The following DSC3 variants were observed in gnomAD, a reference collection of about 807,000 sequenced individuals.
The protein encoded by DSC3 is desmocollin 3.
A neutral mutation model predicts 89.5 loss-of-function variants in DSC3; 97 were observed. The ratio of observed to expected loss-of-function variants is 1.08; its 90% CI spans 0.92 to 1.28. The LOEUF (loss-of-function observed/expected upper bound fraction) is 1.28, where lower values mean the gene tolerates loss of function less well. DSC3 is among the 50% of genes most tolerant of loss of function. The pLI is 0.00. For missense variants in DSC3, 1,199 were observed against 1,085.3 expected, an observed-to-expected ratio of 1.10 and a Z score of -1.47; for synonymous variants, 436 against 384.1, an observed-to-expected ratio of 1.14 and a Z score of -1.58.
rs757478847 is a variant in DSC3, at chr18:31,008,358, A to G, written c.1431T>C (p.Tyr477=). ...EGPECTPAAQ[Y]VRIKENLAVG... Reference sequence around the variant, plus strand: ...CTGCTAAGTTTTCTTTAATCCGCACATATTGGGCTGCAGGAGTGCATTCAG... The same window carrying G: ...CTGCTAAGTTTTCTTTAATCCGCACGTATTGGGCTGCAGGAGTGCATTCAG... The change falls in exon 10 of 16, where the codon TAT becomes TAC. Residue 477 remains tyrosine (Y), a synonymous_variant. Transcript: ENST00000360428. 1 of 1,613,942 alleles carries G rather than the reference A, an allele frequency of 6.2e-7. No individual in the cohort carries two copies. The highest frequency in any genetic ancestry group is 8.5e-7 in the Non-Finnish European group (1 of 1,180,022).
In DSC3 at chr18:30,994,348, C is replaced by T; in HGVS notation, c.2518G>A (p.Glu840Lys). Residue 840 changes from glutamate to lysine, a missense_variant, in exon 16 of 16, where the codon GAA becomes AAA. Glu to Lys is a moderately conservative substitution (Grantham distance 56). Coordinates refer to ENST00000360428, the MANE Select transcript of DSC3 (RefSeq NM_001941.5). ...GEKLHRCNQN[E>K]DRMPSQDYVL... The stretch of plus-strand genomic sequence containing the variant: ...TAATCTTGGGATGGCATGCGGTCTT[C>T]ATTCTGATTACATCGATGCAATTTC... 3 of 1,614,040 alleles carry T rather than the reference C, an allele frequency of 1.9e-6. No individual in the cohort carries two copies. Among genetic ancestry groups the T allele is most frequent in the Non-Finnish European group, 1.7e-6 (2 of 1,179,964 alleles).
rs370061596 is a variant in DSC3, at chr18:30,996,765, GACTCAAAACACCTAAGGAAACTC to G, written c.2493+3_2493+25del. 1 of 1,610,872 alleles carries G rather than the reference GACTCAAAACACCTAAGGAAACTC, an allele frequency of 6.2e-7. No homozygotes were observed. The highest frequency in any genetic ancestry group is 1.3e-5 in the African/African-American group (1 of 74,720). ...TCTCCATTCGGAGGTTTAAATTTTA[GACTCAAAACACCTAAGGAAACTC>G]ACTTCACCGAGACGGGGTTGAGTAA... On this transcript the variant is annotated splice_donor_5th_base_variant and intron_variant, in intron 15 of 15. Coordinates refer to ENST00000360428, the MANE Select transcript of DSC3 (RefSeq NM_001941.5).
chr18:31,036,798 C>CTTTCTTTCTTT (rs1555635105), intron 1 of DSC3, among the ~76,000 whole-genome samples: 3 of 107,424 alleles, frequency 2.8e-5, no homozygotes, highest in African/African-American at 1.1e-4. Flanking sequence ...TTCTTTCTTC[C>CTTTCTTTCTTT]TTTTTTTTTT....
Position 30,989,944 on chromosome 18 carries a change from T to C in DSC3, c.*4231A>G, listed in dbSNP as rs1020551454. The C allele has an allele frequency of 3.3e-5, 5 of 152,446 alleles. No homozygotes were observed. Among genetic ancestry groups the C allele is most frequent in the African/African-American group, 9.6e-5 (4 of 41,464 alleles). 9.4% of individuals were successfully genotyped at this position (152,446 alleles called of 1,614,324 possible). On this transcript the variant is annotated 3_prime_UTR_variant, in exon 16 of 16. Transcript: ENST00000360428. The stretch of plus-strand genomic sequence containing the variant: ...GGAACTTAAAATAAAATAAGTGTTA[T>C]CAATGTTCATTGTGAAAAAATCAAC...
Position 31,031,135 on chromosome 18 carries a change from G to T in DSC3, c.192C>A (p.Ile64=). The change falls in exon 3 of 16, where the codon ATC becomes ATA. Residue 64 remains isoleucine (I), a synonymous_variant. Coordinates refer to ENST00000360428, the MANE Select transcript of DSC3 (RefSeq NM_001941.5). ...LEECFRSADL[I]RSSDPDFRVL... ...CTCTGAAATCAGGATCACTTGACCG[G>T]ATGAGGTCTGCAGACCTGAAGCACT... 6.2e-7 allele frequency: 1 copy of T among 1,613,386 alleles called. No homozygotes were observed. The highest frequency in any genetic ancestry group is 2.2e-5 in the East Asian group (1 of 44,852).
At chr18:31,007,800 A>C (rs181866340) in intron 11 of DSC3, among the ~76,000 whole-genome samples, 1 of 152,322 alleles carries the variant, frequency 6.6e-6, no homozygotes, top group East Asian at 1.9e-4. Flanking sequence ...TAAGAATTTA[A>C]GGTCCTGCCC....
In DSC3 at chr18:31,032,192, C is replaced by A; in HGVS notation, c.154G>T (p.Val52Phe). ...KLEADKIIGR[V>F]NLEECFRSAD... ...TAAAAAGACTTTTAAAATTTCTCAC[C>A]TCTGCCAATTATTTTGTCTGCCTCT... is the stretch of plus-strand genomic sequence containing the variant. The change falls in exon 2 of 16, where the codon GTT (valine) becomes TTT (phenylalanine). Residue 52 changes from valine (V) to phenylalanine (F), a missense_variant and splice_region_variant. By Grantham distance (50) the Val-to-Phe change is conservative. Coordinates refer to ENST00000360428, the MANE Select transcript of DSC3 (RefSeq NM_001941.5). The A allele has an allele frequency of 1.2e-6, 2 of 1,609,548 alleles. No individual in the cohort carries two copies. Among genetic ancestry groups the A allele is most frequent in the Non-Finnish European group, 1.7e-6 (2 of 1,175,900 alleles).
chr18:31,032,071 G>A (rs1476301549), intron 2 of DSC3, 121 bp downstream of exon 2: 3 of 721,442 alleles, frequency 4.2e-6, no homozygotes, highest in Non-Finnish European at 7.5e-6. Flanking sequence ...TTTACTCCCT[G>A]GAGGAACATC....
Position 30,994,148 on chromosome 18 carries a change from C to A in DSC3, c.*27G>T. 6.2e-7 allele frequency: 1 copy of A among 1,607,516 alleles called. No homozygotes were observed. The highest frequency in any genetic ancestry group is 8.5e-7 in the Non-Finnish European group (1 of 1,174,092). ...TTTTGGAAACCTCCAGAATGTCTGA[C>A]AAAGACCTAATTGTAGCACTGTGAC... is the stretch of plus-strand genomic sequence containing the variant. On this transcript the variant is annotated 3_prime_UTR_variant, in exon 16 of 16. Transcript: ENST00000360428.
At chr18:31,010,132 C>G (rs999131875) in intron 9 of DSC3, among the ~76,000 whole-genome samples, 1 of 152,150 alleles carries the variant, frequency 6.6e-6, no homozygotes, top group Non-Finnish European at 1.5e-5. Context: ...TAGGTATTAA[C>G]AGAGTAAGAC....
rs1008911490 is a variant in DSC3, at chr18:31,022,505, A to C, written c.776-3T>G. On this transcript the variant is annotated splice_polypyrimidine_tract_variant and splice_region_variant and intron_variant, in intron 6 of 15. Coordinates refer to ENST00000360428, the MANE Select transcript of DSC3 (RefSeq NM_001941.5). Reference sequence around the variant, plus strand: ...ACAAACCACCCCCACTGTAGTACCTACACATTAAAAAATAAAACAGCCTTT... The same window carrying C: ...ACAAACCACCCCCACTGTAGTACCTCCACATTAAAAAATAAAACAGCCTTT... 3 of 1,613,988 alleles carry C rather than the reference A, an allele frequency of 1.9e-6. No individual in the cohort carries two copies. Among genetic ancestry groups the C allele is most frequent in the Non-Finnish European group, 8.5e-7 (1 of 1,179,918 alleles).
chr18:30,998,004 C>A (rs948912159), intron 14 of DSC3, among the ~76,000 whole-genome samples: 1 of 152,090 alleles, frequency 6.6e-6, no homozygotes, highest in Non-Finnish European at 1.5e-5. Context: ...ATATAAAGAT[C>A]TATATGCTAT....
In DSC3 at chr18:31,042,595, G is replaced by C. The variant is rs556974358; in HGVS notation, c.66C>G (p.Leu22=). 1.4e-5 allele frequency: 21 copies of C among 1,550,462 alleles called. No individual in the cohort carries two copies. In the South Asian group the frequency reaches 1.9e-4, roughly 14 times the overall value. The change falls in exon 1 of 16, where the codon CTC becomes CTG. Residue 22 remains leucine, a synonymous_variant. Transcript: ENST00000360428. ...GAVCLHLLLT[L]VIFSRAGEAC... is the part of the protein sequence containing the mutation. Reference sequence around the variant, plus strand: ...TATCCGGCGAGATCTGGCTTACCACGAGGGTCAGCAGCAGATGCAGGCAGA... The same window carrying C: ...TATCCGGCGAGATCTGGCTTACCACCAGGGTCAGCAGCAGATGCAGGCAGA...
rs1225059738 is a variant in DSC3, at chr18:31,025,935, AT to A, written c.475-21del. 2 of 1,604,578 alleles carry A rather than the reference AT, an allele frequency of 1.2e-6. No individual in the cohort carries two copies. The highest frequency in any genetic ancestry group is 2.2e-5 in the East Asian group (1 of 44,726). ...TTCAACCTAAAAGTAGAAAAAAAAT[AT>A]GCAAAAAAATTAAAACTAAATTCAG... On this transcript the variant is annotated intron_variant, in intron 4 of 15. Transcript: ENST00000360428.
intron 1 of DSC3, among the ~76,000 whole-genome samples, chr18:31,032,853 A>G (rs1178913745): frequency 2.0e-5 from 3 of 152,172 alleles, no homozygotes; most frequent in Non-Finnish European, 2.9e-5. Flanking sequence ...ACAAGAAAAT[A>G]AAATCAAAGG....
intron 4 of DSC3, 64 bp from the exon 5 acceptor site, chr18:31,025,979 T>A: frequency 7.3e-7 from 1 of 1,370,852 alleles, no homozygotes; most frequent in Admixed American, 1.9e-5. Context: ...ATTTTTTAAA[T>A]GCAGCTGATG....
intron 1 of DSC3, among the ~76,000 whole-genome samples, chr18:31,041,291 A>G (rs745385523): frequency 6.6e-5 from 10 of 152,250 alleles, no homozygotes; most frequent in Admixed American, 5.9e-4. Context: ...ATATATTACA[A>G]AAGAACACAT....
rs1478597052 is a variant in DSC3, at chr18:30,992,077, A to G, written c.*2098T>C. The G allele has an allele frequency of 1.4e-5, 2 of 147,482 alleles. No homozygotes were observed. Among genetic ancestry groups the G allele is most frequent in the Non-Finnish European group, 3.0e-5 (2 of 66,920 alleles). The allele number at this position is 147,482 out of a possible 1,614,324, so 9.1% of individuals were successfully genotyped here. On this transcript the variant is annotated 3_prime_UTR_variant, in exon 16 of 16. Transcript: ENST00000360428. ...CTACTCAGGAGGCTGAGGCAGGAGA[A>G]TGGCGTGAACCCGGGAGGCGGAGCT...
At chr18:31,041,831 C>G (rs1301791959) in intron 1 of DSC3, among the ~76,000 whole-genome samples, 1 of 152,114 alleles carries the variant, frequency 6.6e-6, no homozygotes, top group Non-Finnish European at 1.5e-5. Flanking sequence ...TCCCCGGAGC[C>G]GGAGTAAGTA....
Sources: allele counts gnomAD v4.1 joint callset (sites outside exome capture counted in the v4.1 genomes callset), GRCh38; gene constraint gnomAD v4.1.1; transcripts MANE v1.5; gene names NCBI Gene and HGNC (gene_info 2026-07-23, HGNC 2026-07-21).